The following NTRK3 variants were observed in gnomAD, a reference collection of about 807,000 sequenced individuals.
The protein encoded by NTRK3 is neurotrophic receptor tyrosine kinase 3, also known as NT-3 growth factor receptor.
In NTRK3, 24 loss-of-function variants were observed where a neutral mutation model predicts 91.7. The ratio of observed to expected loss-of-function variants is 0.26; its 90% CI spans 0.19 to 0.37. NTRK3 has a LOEUF of 0.37. Ranked by LOEUF, NTRK3 falls within the 10% of genes least tolerant of loss-of-function variation. The pLI is 1.00. For missense variants in NTRK3, 880 were observed against 1,068.9 expected (o/e 0.82, Z 2.46); for synonymous variants, 483 against 404.0 (o/e 1.20, Z -2.34).
rs376339443 is a variant in NTRK3, at chr15:88,128,695, G to A, written c.1228+16C>T. The stretch of plus-strand genomic sequence containing the variant: ...AGAATAAATCAGTTTCAAAGCAACA[G>A]GTAAAGCAGACTTACACAAGATAAA... On this transcript the variant is annotated intron_variant, in intron 11 of 18. Coordinates refer to ENST00000394480, the Ensembl canonical transcript of NTRK3. 4 of 1,613,538 alleles carry A rather than the reference G, an allele frequency of 2.5e-6. No homozygotes were observed. The African/African-American group carries it at 5.3e-5, about 22-fold the overall frequency.
At chr15:88,091,514 T>C (rs979889865) in intron 13 of NTRK3, among the ~76,000 whole-genome samples, 1 of 152,224 alleles carries the variant, frequency 6.6e-6, no homozygotes, top group African/African-American at 2.4e-5. Flanking sequence ...CTGTGCCTGA[T>C]TTCAAGCCTA....
chr15:88,042,642 A>G (rs2079756439), intron 13 of NTRK3, among the ~76,000 whole-genome samples: 1 of 152,224 alleles, frequency 6.6e-6, no homozygotes, highest in African/African-American at 2.4e-5. Context: ...GCTTGGAGGT[A>G]TCACTTGGTG....
chr15:88,235,605 G>A lies in NTRK3; in HGVS notation c.248+20301C>T, dbSNP rs2051641229. On this transcript the variant is annotated intron_variant, in intron 3 of 18. Coordinates refer to ENST00000394480, the Ensembl canonical transcript of NTRK3. This position sits in a 1 kb window ranked among gnomAD's most constrained non-coding sequence, Gnocchi z 5.2. ...GGTGGATGGAGAACCCCAAGGAAAC[G>A]ACCCAGCCCTGCTAAAGAGCACCAA... Among the ~76,000 whole-genome samples, 1 of 152,162 alleles carries A rather than the reference G, an allele frequency of 6.6e-6. No homozygotes were observed. Among genetic ancestry groups the A allele is most frequent in the African/African-American group, 2.4e-5 (1 of 41,440 alleles).
At chr15:87,913,947 T>G (rs1267038449) in intron 17 of NTRK3, among the ~76,000 whole-genome samples, 1 of 152,160 alleles carries the variant, frequency 6.6e-6, no homozygotes, top group East Asian at 1.9e-4. Context: ...AGAATGAGCC[T>G]TGGAACTGGA....
In NTRK3 at chr15:88,243,775, G is replaced by T. The variant is rs1295118729; in HGVS notation, c.248+12131C>A. 6.6e-6 allele frequency among the ~76,000 whole-genome samples: 1 copy of T among 152,108 alleles called. No homozygotes were observed. The highest frequency in any genetic ancestry group is 6.5e-5 in the Admixed American group (1 of 15,268). On this transcript the variant is annotated intron_variant, in intron 3 of 18. Transcript: ENST00000394480. This position sits in a 1 kb window ranked among gnomAD's most constrained non-coding sequence, Gnocchi z 4.8. ...GGTGCCCCAGGAAAACACCAGAAAG[G>T]CTCTGGTTTTTAGGTGCCAGGATTG...
chr15:88,103,326 G>T (rs1027042485), intron 13 of NTRK3, among the ~76,000 whole-genome samples: 176 of 152,238 alleles, frequency 1.2e-3, no homozygotes, highest in African/African-American at 4.0e-3. Context: ...CCTGCCTCAA[G>T]ACCACAATAT....
At chr15:88,010,881 T>G (rs910748422) in intron 14 of NTRK3, among the ~76,000 whole-genome samples, 1 of 152,076 alleles carries the variant, frequency 6.6e-6, no homozygotes, top group Non-Finnish European at 1.5e-5. Flanking sequence ...ACATCATGCA[T>G]TCACAGCAGT....
At chr15:88,108,453 G>A (rs751131263) in intron 13 of NTRK3, among the ~76,000 whole-genome samples, 1 of 152,164 alleles carries the variant, frequency 6.6e-6, no homozygotes, top group Non-Finnish European at 1.5e-5. Context: ...TGCAATGGGT[G>A]CTCCTGACAA....
intron 13 of NTRK3, among the ~76,000 whole-genome samples, chr15:88,059,593 C>A (rs2046025294): frequency 6.6e-6 from 1 of 152,192 alleles, no homozygotes; most frequent in African/African-American, 2.4e-5. Flanking sequence ...TCAATCAACA[C>A]AGGACAAGGA....
rs182435309 is a variant in NTRK3 at position 88,026,137 on chromosome 15, G to A, written c.1585+6720C>T. Reference sequence around the variant, plus strand: ...ATACAAAAAATTAGCCAGGCGTGGTGGCGGGTGCCTGTAGTCCCAGCTACT... The same window carrying A: ...ATACAAAAAATTAGCCAGGCGTGGTAGCGGGTGCCTGTAGTCCCAGCTACT... On this transcript the variant is annotated intron_variant, in intron 14 of 18. Coordinates refer to ENST00000394480, the Ensembl canonical transcript of NTRK3. Among the ~76,000 whole-genome samples, 101 of 152,136 alleles carry A rather than the reference G, an allele frequency of 6.6e-4. 2 individuals are homozygous for A. Among genetic ancestry groups the A allele is most frequent in the Non-Finnish European group, 4.4e-5 (3 of 67,998 alleles).
intron 14 of NTRK3, among the ~76,000 whole-genome samples, chr15:87,967,457 A>C (rs548491521): frequency 2.6e-5 from 4 of 152,268 alleles, no homozygotes; most frequent in Admixed American, 1.3e-4. Context: ...TCTAAACTTA[A>C]ATAGGCACTC....
At chr15:88,224,141 G>A (rs2050477935) in intron 3 of NTRK3, among the ~76,000 whole-genome samples, 1 of 152,214 alleles carries the variant, frequency 6.6e-6, no homozygotes, top group Non-Finnish European at 1.5e-5. Flanking sequence ...CTCGTCCTAA[G>A]GATGATACAG....
chr15:88,164,429 CCT>C (rs1455839600), intron 5 of NTRK3, among the ~76,000 whole-genome samples: 1 of 152,186 alleles, frequency 6.6e-6, no homozygotes, highest in African/African-American at 2.4e-5. Context: ...CCAGTTAACC[CCT>C]GATTTTACTC....
intron 17 of NTRK3, among the ~76,000 whole-genome samples, chr15:87,887,006 T>A (rs1279896640): frequency 6.6e-6 from 1 of 151,990 alleles, no homozygotes; most frequent in Non-Finnish European, 1.5e-5. Context: ...TTTCTCTTGA[T>A]GAAAATTTTT....
In NTRK3 at chr15:87,881,475, A is replaced by G. The variant is rs185292981; in HGVS notation, c.2134-1047T>C. On this transcript the variant is annotated intron_variant, in intron 17 of 18. Transcript: ENST00000394480. ...CGCTTTGTCACCCAAGCTGGAGTGC[A>G]GTGGCGCGATCTCGGCTTACTGCCA... Among the ~76,000 whole-genome samples the G allele has an allele frequency of 3.3e-5, 5 of 152,158 alleles. No individual in the cohort carries two copies. The East Asian group carries it at 9.7e-4, about 29-fold the overall frequency.
At chr15:87,966,708 G>A (rs2072829164) in intron 14 of NTRK3, among the ~76,000 whole-genome samples, 1 of 152,214 alleles carries the variant, frequency 6.6e-6, no homozygotes, top group Admixed American at 6.5e-5. Context: ...TTTGGGTAAG[G>A]AATTCTGGTT....
intron 13 of NTRK3, among the ~76,000 whole-genome samples, chr15:88,084,195 G>A (rs980185880): frequency 4.6e-5 from 7 of 151,702 alleles, no homozygotes; most frequent in Admixed American, 1.3e-4. Context: ...TTCAAACTGC[G>A]TTCAAAGCTC....
At chr15:87,863,056 G>A in exon 19 of NTRK3, 1 of 230,846 alleles carries the variant, frequency 4.3e-6, no homozygotes, top group Non-Finnish European at 8.6e-6. Context: ...CAAGTCAGTG[G>A]TATGTTATAA....
chr15:88,079,658 GC>G (rs764405191), intron 13 of NTRK3, among the ~76,000 whole-genome samples: 1 of 152,150 alleles, frequency 6.6e-6, no homozygotes, highest in East Asian at 1.9e-4. Context: ...TAGTGGACAT[GC>G]CATTTGACTC....
Sources: allele counts gnomAD v4.1 joint callset (sites outside exome capture counted in the v4.1 genomes callset), GRCh38; gene constraint gnomAD v4.1.1; non-coding constraint Gnocchi (gnomAD v3.1); transcripts MANE v1.5; gene names NCBI Gene and HGNC (gene_info 2026-07-23, HGNC 2026-07-21).